NUP85: variants seen among roughly 807,000 people sequenced by gnomAD.
The protein encoded by NUP85 is nuclear pore complex protein Nup85.
NUP85 carries 23 observed loss-of-function variants against 92.8 expected under a neutral mutation model. That is an observed-to-expected ratio of 0.25 (90% CI 0.18 to 0.35). NUP85 has a LOEUF of 0.35. NUP85 is among the 10% of genes least tolerant of loss of function. The pLI is 1.00. For missense variants in NUP85, 759 were observed against 822.8 expected, an observed-to-expected ratio of 0.92 and a Z score of 0.95; for synonymous variants, 314 against 306.9, an observed-to-expected ratio of 1.02 and a Z score of -0.24.
chr17:75,212,257 T>TTTTTG (rs1568069709), intron 4 of NUP85, among the ~76,000 whole-genome samples, 195 bp downstream of exon 4: 1 of 2,678 alleles, frequency 3.7e-4, no homozygotes, highest in East Asian at 9.6e-3. Context: ...GTTTTTTTTT[T>TTTTTG]TTTTTTTTTT....
intron 16 of NUP85, 152 bp from the exon 17 acceptor site, chr17:75,234,485 T>A (rs1405900010): frequency 4.2e-6 from 3 of 721,030 alleles, no homozygotes; most frequent in Admixed American, 4.6e-5. Flanking sequence ...TTGGGACCTA[T>A]GAGTTTGGAG....
intron 5 of NUP85, among the ~76,000 whole-genome samples, chr17:75,214,354 G>C (rs2075364795): frequency 6.6e-6 from 1 of 152,172 alleles, no homozygotes; most frequent in African/African-American, 2.4e-5. Context: ...AGGGAAGCCT[G>C]CGTATTCCTA....
intron 14 of NUP85, 73 bp from the exon 15 acceptor site, chr17:75,232,778 G>T: frequency 7.4e-7 from 1 of 1,350,378 alleles, no homozygotes. Flanking sequence ...AGGCCACTCC[G>T]GTCCCCACAG....
chr17:75,209,709 T>C, intron 2 of NUP85, 114 bp from the exon 3 acceptor site: 1 of 806,742 alleles, frequency 1.2e-6, no homozygotes, highest in Non-Finnish European at 1.8e-6. Context: ...CCCAAAGTGC[T>C]GGGATTATAG....
chr17:75,211,899 C>A (rs564229163), intron 3 of NUP85, 93 bp from the exon 4 acceptor site: 10 of 1,001,064 alleles, frequency 1.0e-5, no homozygotes, highest in Non-Finnish European at 1.4e-5. Context: ...CTCTTTCTTT[C>A]AGCAAATTTC....
Position 75,212,228 on chromosome 17 carries a change from G to GT in NUP85, c.361+166_361+167insT, listed in dbSNP as rs768963282. ...CTTACTTTTTTGGTAATCATTTAGA[G>GT]GTTTTTTTTTTTGTTGTTGTTTTTT... On this transcript the variant is annotated intron_variant, in intron 4 of 18. Transcript: ENST00000245544. Among the ~76,000 whole-genome samples the GT allele has an allele frequency of 2.4e-5, 2 of 84,564 alleles. 1 individual carries two copies. 55.5% of individuals were successfully genotyped at this position (84,564 alleles called of 152,430 possible). A position where few individuals can be genotyped will look rare whatever the true frequency, so the allele number is the denominator to read the frequency against.
At chr17:75,233,341 C>T (rs1176863276) in intron 16 of NUP85, among the ~76,000 whole-genome samples, 183 bp downstream of exon 16, 1 of 150,824 alleles carries the variant, frequency 6.6e-6, no homozygotes, top group African/African-American at 2.5e-5. Flanking sequence ...CTTAGTGCCT[C>T]CATGTTTGTT....
intron 5 of NUP85, among the ~76,000 whole-genome samples, chr17:75,214,281 TGTCTCTGAA>T (rs1467466751): frequency 2.6e-5 from 4 of 152,214 alleles, no homozygotes; most frequent in Non-Finnish European, 4.4e-5. Context: ...AGTAATTCAC[TGTCTCTGAA>T]GTACCCTTAT....
At chr17:75,227,326 G>GTTTTTT (rs71159460) in intron 11 of NUP85, among the ~76,000 whole-genome samples, 2 of 114,150 alleles carry the variant, frequency 1.8e-5, no homozygotes, top group Non-Finnish European at 3.5e-5. Flanking sequence ...TTGTTTCTGG[G>GTTTTTT]TTTTTTTTTT....
chr17:75,229,166 C>G, intron 11 of NUP85: 1 of 985,118 alleles, frequency 1.0e-6, no homozygotes, highest in Non-Finnish European at 1.2e-6. Flanking sequence ...AAGAAGAGTT[C>G]CAGCTTAATG....
intron 7 of NUP85, among the ~76,000 whole-genome samples, chr17:75,224,885 A>G (rs1025738496): frequency 6.6e-6 from 1 of 151,542 alleles, no homozygotes; most frequent in Non-Finnish European, 1.5e-5. Context: ...TGGCTGTTTG[A>G]AAAACATAGT....
At position 75,227,779 on chromosome 17, in the gene NUP85, A is replaced by C. The variant is rs538944386; in HGVS notation, c.1094+1622A>C. ...CAGCCTTCCAGGTAGCTAGGACTAC[A>C]AGTGTGCGCCACCATGCCTGGCTAA... is the stretch of plus-strand genomic sequence containing the variant. On this transcript the variant is annotated intron_variant, in intron 11 of 18. Coordinates refer to ENST00000245544, the MANE Select transcript of NUP85 (RefSeq NM_024844.5). Among the ~76,000 whole-genome samples, 10 of 151,986 alleles carry C rather than the reference A, an allele frequency of 6.6e-5. No individual in the cohort carries two copies. In the East Asian group the frequency reaches 7.7e-4, roughly 12 times the overall value.
chr17:75,224,599 G>A (rs1367876965), intron 7 of NUP85, among the ~76,000 whole-genome samples: 4 of 152,024 alleles, frequency 2.6e-5, no homozygotes, highest in African/African-American at 4.8e-5. Flanking sequence ...TTGGGAGGCC[G>A]AGGCGGGGAA....
At chr17:75,234,931 C>T in intron 17 of NUP85, 143 bp downstream of exon 17, 9 of 1,140,642 alleles carry the variant, frequency 7.9e-6, no homozygotes, top group Non-Finnish European at 1.2e-5. Flanking sequence ...CTCTGGGATT[C>T]CAGACTCACA....
Position 75,231,257 on chromosome 17 carries a change from T to A in NUP85, c.1095-83T>A, listed in dbSNP as rs2076046500. ...CCATCTCTTTGAGGGACAGGACATG[T>A]GGGGTTTCTTGCTCACCCCCACTCT... On this transcript the variant is annotated intron_variant, in intron 11 of 18. Transcript: ENST00000245544. This position sits in a 1 kb window ranked among gnomAD's most constrained non-coding sequence, Gnocchi z 4.6. 1 of 1,274,534 alleles carries A rather than the reference T, an allele frequency of 7.8e-7. No homozygotes were observed. Among genetic ancestry groups the A allele is most frequent in the African/African-American group, 1.5e-5 (1 of 68,306 alleles). 79.0% of individuals were successfully genotyped at this position (1,274,534 alleles called of 1,614,324 possible).
rs1236823350 is a variant in NUP85, at chr17:75,235,363, A to G, written c.1869+162A>G. Reference sequence around the variant, plus strand: ...ACACACCACCTTCTTTTAGGAGAAAATCAGGGATTCTAGTGTTCTCATCTC... The same window carrying G: ...ACACACCACCTTCTTTTAGGAGAAAGTCAGGGATTCTAGTGTTCTCATCTC... On this transcript the variant is annotated intron_variant, in intron 18 of 18. Coordinates refer to ENST00000245544, the MANE Select transcript of NUP85 (RefSeq NM_024844.5). 5 of 620,540 alleles carry G rather than the reference A, an allele frequency of 8.1e-6. No homozygotes were observed. The Admixed American group carries it at 9.0e-5, about 11-fold the overall frequency. 38.4% of individuals were successfully genotyped at this position (620,540 alleles called of 1,614,324 possible).
At position 75,225,425 on chromosome 17, in the gene NUP85, C is replaced by T. The variant is rs138444280; in HGVS notation, c.816C>T (p.Ser272=). ...HEECERYLQD[S]TFATSPHLES... Reference sequence around the variant, plus strand: ...AATGTGAGCGGTACCTCCAGGACAGCACATTCGCCACCAGCCCTCACCTGG... The same window carrying T: ...AATGTGAGCGGTACCTCCAGGACAGTACATTCGCCACCAGCCCTCACCTGG... The change falls in exon 9 of 19, where the codon AGC becomes AGT. Residue 272 remains serine (S), a synonymous_variant. Transcript: ENST00000245544. The T allele has an allele frequency of 1.6e-4, 265 of 1,613,960 alleles. No individual in the cohort carries two copies. The highest frequency in any genetic ancestry group is 2.2e-4 in the Non-Finnish European group (255 of 1,180,046).
intron 18 of NUP85, 52 bp downstream of exon 18, chr17:75,235,253 CCTCT>C (rs746703064): frequency 6.6e-6 from 9 of 1,362,244 alleles, no homozygotes; most frequent in South Asian, 3.7e-5. Context: ...GAAAAGGCTC[CCTCT>C]ATCTCAGGCT....
At chr17:75,233,393 CTTTCTCTT>C (rs1192193138) in intron 16 of NUP85, among the ~76,000 whole-genome samples, 3 of 137,394 alleles carry the variant, frequency 2.2e-5, no homozygotes, top group Non-Finnish European at 4.8e-5. Context: ...CTTTCTTTCT[CTTTCTCTT>C]TCTCTTTCTT....
Sources: allele counts gnomAD v4.1 joint callset (sites outside exome capture counted in the v4.1 genomes callset), GRCh38; gene constraint gnomAD v4.1.1; non-coding constraint Gnocchi (gnomAD v3.1); transcripts MANE v1.5; gene names NCBI Gene and HGNC (gene_info 2026-07-23, HGNC 2026-07-21).